Variants in KCTD3 observed in about 807,000 individuals in gnomAD.
The protein encoded by KCTD3 is potassium channel tetramerization domain containing 3, also known as BTB/POZ domain-containing protein KCTD3.
Under a neutral mutation model 85.8 loss-of-function variants are expected in KCTD3, and 41 were observed. The ratio of observed to expected loss-of-function variants is 0.48; its 90% CI spans 0.37 to 0.62. The LOEUF is 0.62. Among genes scored for constraint, KCTD3 ranks in the 20% least tolerant of loss-of-function variants. KCTD3 has a pLI of 0.00. For synonymous variants in KCTD3, 338 were observed against 345.4 expected, an observed-to-expected ratio of 0.98 and a Z score of 0.24; for missense variants, 724 against 989.9, an observed-to-expected ratio of 0.73 and a Z score of 3.60.
intron 1 of KCTD3, among the ~76,000 whole-genome samples, chr1:215,572,177 C>G (rs192630682): frequency 1.6e-3 from 240 of 152,242 alleles, no homozygotes; most frequent in Non-Finnish European, 2.6e-3. Context: ...AATCAAGTCT[C>G]CGTTTTGTAC....
chr1:215,571,901 G>A (rs142170579), intron 1 of KCTD3, among the ~76,000 whole-genome samples: 230 of 152,320 alleles, frequency 1.5e-3, no homozygotes, highest in African/African-American at 5.4e-3. Context: ...AAAGTGCTGG[G>A]ATTACAGGCG....
rs1447943806 is a variant in KCTD3, at chr1:215,608,307, TTA to T, written c.1465+136_1465+137del. On this transcript the variant is annotated intron_variant, in intron 14 of 17. Coordinates refer to ENST00000259154, the MANE Select transcript of KCTD3 (RefSeq NM_016121.5). ...TAATTTTGAAATTCTAAACAGAATTTTAGTGTGTTTTTCTGATTAAATTCTAT... is the reference window on the plus strand; with the variant it reads ...TAATTTTGAAATTCTAAACAGAATTTGTGTGTTTTTCTGATTAAATTCTAT... 9 of 543,728 alleles carry T rather than the reference TTA, an allele frequency of 1.7e-5. No homozygotes were observed. In the Middle Eastern group the frequency reaches 3.1e-3, roughly 187 times the overall value. The allele number at this position is 543,728 out of a possible 1,614,324, so 33.7% of individuals were successfully genotyped here.
rs77357619 is a variant in KCTD3 at position 215,619,169 on chromosome 1, C to T, written c.1764C>T (p.Thr588=). The stretch of plus-strand genomic sequence containing the variant: ...TCTCCTAAGATGTAGGTGGTCCAAC[C>T]GAAGAAGAGCTACTCAAATTACTCG... The part of the protein sequence containing the change: ...KSEDKDVGGP[T]EEELLKLLDQ... Residue 588 remains threonine, a synonymous_variant, in exon 17 of 18, where the codon ACC becomes ACT. Transcript: ENST00000259154. The T allele has an allele frequency of 8.9e-3, 14,290 of 1,613,556 alleles. 367 individuals are homozygous for T. Among genetic ancestry groups the T allele is most frequent in the South Asian group, 0.068 (6,223 of 90,956 alleles).
At chr1:215,578,933 A>G in intron 6 of KCTD3, 67 bp from the exon 7 acceptor site, 1 of 1,113,342 alleles carries the variant, frequency 9.0e-7, no homozygotes, top group Non-Finnish European at 1.3e-6. Context: ...TCTTTGTCAC[A>G]ATGTGATATT....
intron 15 of KCTD3, among the ~76,000 whole-genome samples, chr1:215,615,768 T>C (rs1655420683): frequency 6.6e-6 from 1 of 152,156 alleles, no homozygotes; most frequent in Non-Finnish European, 1.5e-5. Flanking sequence ...TATTATACTT[T>C]TATATGACAC....
chr1:215,574,121 G>A lies in KCTD3; in HGVS notation c.183+3G>A. 1.3e-6 allele frequency: 2 copies of A among 1,562,182 alleles called. No individual in the cohort carries two copies. Among genetic ancestry groups the A allele is most frequent in the Non-Finnish European group, 1.8e-6 (2 of 1,140,466 alleles). ...CACTTCGAGATGAAACTGGTGCTGT[G>A]AGTATAATAATAATTGATACATATT... is the stretch of plus-strand genomic sequence containing the variant. On this transcript the variant is annotated splice_donor_region_variant and intron_variant, in intron 3 of 17. Transcript: ENST00000259154.
At chr1:215,587,018 T>A (rs1660034133) in intron 9 of KCTD3, among the ~76,000 whole-genome samples, 1 of 152,190 alleles carries the variant, frequency 6.6e-6, no homozygotes, top group Admixed American at 6.5e-5. Flanking sequence ...ACTTTCTTGC[T>A]CCTCATTGTT....
intron 5 of KCTD3, 37 bp from the exon 6 acceptor site, chr1:215,577,964 A>G (rs1368743470): frequency 3.8e-6 from 6 of 1,597,996 alleles, no homozygotes; most frequent in African/African-American, 2.7e-5. Flanking sequence ...TTCTGTTTGC[A>G]TGTACTCTTG....
rs1659566991 is a variant in KCTD3, at chr1:215,576,108, T to C, written c.257+134T>C. 5 of 604,590 alleles carry C rather than the reference T, an allele frequency of 8.3e-6. No individual in the cohort carries two copies. In the East Asian group the frequency reaches 1.6e-4, roughly 19 times the overall value. The allele number at this position is 604,590 out of a possible 1,614,324, so 37.5% of individuals were successfully genotyped here. On this transcript the variant is annotated intron_variant, in intron 4 of 17. Coordinates refer to ENST00000259154, the MANE Select transcript of KCTD3 (RefSeq NM_016121.5). Reference sequence around the variant, plus strand: ...TGCAGTCTTGCTCTGTTGCCCAGGCTGGAGTGCAGGAGTGCAGTGGCATGA... The same window carrying C: ...TGCAGTCTTGCTCTGTTGCCCAGGCCGGAGTGCAGGAGTGCAGTGGCATGA...
At position 215,595,276 on chromosome 1, in the gene KCTD3, T is replaced by A. The variant is rs1317148230; in HGVS notation, c.818-80T>A. The A allele has an allele frequency of 4.7e-6, 4 of 843,154 alleles. No individual in the cohort carries two copies. The East Asian group carries it at 9.7e-5, about 21-fold the overall frequency. 52.2% of individuals were successfully genotyped at this position (843,154 alleles called of 1,614,324 possible). A position where few individuals can be genotyped will look rare whatever the true frequency, so the allele number is the denominator to read the frequency against. ...AATGAGAATATAAATTAGTCACCTTTAAGATGTTTTTAATCCAGGTTTTGA... is the reference window on the plus strand; with the variant it reads ...AATGAGAATATAAATTAGTCACCTTAAAGATGTTTTTAATCCAGGTTTTGA... On this transcript the variant is annotated intron_variant, in intron 9 of 17. Transcript: ENST00000259154.
chr1:215,600,539 A>G (rs562103003), intron 10 of KCTD3, among the ~76,000 whole-genome samples: 50 of 152,158 alleles, frequency 3.3e-4, no homozygotes, highest in Non-Finnish European at 6.6e-4. Context: ...CTGTCACACT[A>G]TAATTGTCTG....
chr1:215,581,329 G>A (rs1659817820), intron 8 of KCTD3: 1 of 153,034 alleles, frequency 6.5e-6, no homozygotes, highest in South Asian at 2.0e-4. Flanking sequence ...ATTGTTTTTT[G>A]CATAATTTCT....
intron 8 of KCTD3, among the ~76,000 whole-genome samples, chr1:215,583,742 G>T (rs922835859): frequency 5.9e-5 from 9 of 152,116 alleles, no homozygotes; most frequent in African/African-American, 2.2e-4. Flanking sequence ...TGTAACTTCT[G>T]CAGTCTGAAT....
chr1:215,580,564 G>A (rs1489678974), intron 8 of KCTD3, among the ~76,000 whole-genome samples: 2 of 145,002 alleles, frequency 1.4e-5, no homozygotes, highest in African/African-American at 2.6e-5. Flanking sequence ...AGTGTAGACC[G>A]GTGATTTTTT....
intron 15 of KCTD3, among the ~76,000 whole-genome samples, chr1:215,614,288 C>A (rs1655350248): frequency 6.6e-6 from 1 of 152,062 alleles, no homozygotes; most frequent in Non-Finnish European, 1.5e-5. Flanking sequence ...ACCTCCGCCT[C>A]CCAAAGTGCT....
intron 14 of KCTD3, among the ~76,000 whole-genome samples, chr1:215,610,792 T>C (rs1271096875): frequency 6.6e-6 from 1 of 151,908 alleles, no homozygotes; most frequent in Non-Finnish European, 1.5e-5. Flanking sequence ...AAAATGGAGA[T>C]GGTAAATAAT....
intron 10 of KCTD3, among the ~76,000 whole-genome samples, chr1:215,596,542 C>T (rs1165018944): frequency 6.6e-6 from 1 of 152,012 alleles, no homozygotes; most frequent in Non-Finnish European, 1.5e-5. Context: ...CAAAGGGACA[C>T]ATTATATGAT....
chr1:215,616,805 A>G (rs192477955), intron 15 of KCTD3, among the ~76,000 whole-genome samples: 4 of 152,370 alleles, frequency 2.6e-5, no homozygotes, highest in Admixed American at 2.6e-4. Flanking sequence ...TGTGAAATAC[A>G]TATTTGGTCT....
chr1:215,608,633 A>G (rs17024966), intron 14 of KCTD3, among the ~76,000 whole-genome samples: 7,418 of 152,010 alleles, frequency 0.049, 233 homozygotes, highest in East Asian at 0.087. Context: ...CTCTGATTTC[A>G]GCAAAAGGTG....
Sources: gnomAD v4.1 joint callset for allele counts (sites outside exome capture counted in the v4.1 genomes callset) on GRCh38, gnomAD v4.1.1 for gene constraint, MANE v1.5 for transcripts, NCBI Gene and HGNC (gene_info 2026-07-23, HGNC 2026-07-21) for gene names.